WWP2: variants seen among roughly 807,000 people sequenced by gnomAD.
The protein encoded by WWP2 is WW domain containing E3 ubiquitin protein ligase 2, also known as NEDD4-like E3 ubiquitin-protein ligase WWP2.
WWP2 carries 57 observed loss-of-function variants against 121.0 expected under a neutral mutation model. That is an observed-to-expected ratio of 0.47 (90% confidence interval 0.38 to 0.59). The LOEUF (loss-of-function observed/expected upper bound fraction) is 0.59, where lower values mean the gene tolerates loss of function less well. Among genes scored for constraint, WWP2 ranks in the 20% least tolerant of loss-of-function variants. The probability of loss-of-function intolerance (pLI) is 0.00; values close to 1 mark genes in which losing one functional copy is unlikely to be tolerated. For missense variants in WWP2, 962 were observed against 1,158.9 expected (o/e 0.83, Z 2.47); for synonymous variants, 449 against 441.3 (o/e 1.02, Z -0.22).
In WWP2 at chr16:69,799,575, C is replaced by T. The variant is rs995841193; in HGVS notation, c.340+280C>T. On this transcript the variant is annotated intron_variant, in intron 4 of 23. Coordinates refer to ENST00000359154, the MANE Select transcript of WWP2 (RefSeq NM_001270454.2). This position sits in a 1 kb window ranked among gnomAD's most constrained non-coding sequence, Gnocchi z 4.5. Reference sequence around the variant, plus strand: ...AAACTTTCTGTCTGCCTCTGCTCCTCTTCCCGTTGCAGGAGATGTGTGATA... The same window carrying T: ...AAACTTTCTGTCTGCCTCTGCTCCTTTTCCCGTTGCAGGAGATGTGTGATA... The T allele has an allele frequency of 5.7e-6, 2 of 349,850 alleles. No individual in the cohort carries two copies. Among genetic ancestry groups the T allele is most frequent in the Non-Finnish European group, 1.1e-5 (2 of 189,938 alleles). The allele number at this position is 349,850 out of a possible 1,614,324, so 21.7% of individuals were successfully genotyped here. A position where few individuals can be genotyped will look rare whatever the true frequency, so the allele number is the denominator to read the frequency against.
chr16:69,929,330 C>A, intron 11 of WWP2, 118 bp from the exon 12 acceptor site: 1 of 875,740 alleles, frequency 1.1e-6, no homozygotes, highest in Non-Finnish European at 1.8e-6. Flanking sequence ...TCTTCTCTAA[C>A]AGGCTGACAA....
chr16:69,937,284 C>A lies in WWP2; in HGVS notation c.2238+46C>A, dbSNP rs749787204. On this transcript the variant is annotated intron_variant, in intron 20 of 23. Coordinates refer to ENST00000359154, the MANE Select transcript of WWP2 (RefSeq NM_001270454.2). This position sits in a 1 kb window ranked among gnomAD's most constrained non-coding sequence, Gnocchi z 6.6. ...GGACCCTGAGCCCCTGCCTCTGGGGCGATCCTGCTCTGTGATACGCTCACT... is the reference window on the plus strand; with the variant it reads ...GGACCCTGAGCCCCTGCCTCTGGGGAGATCCTGCTCTGTGATACGCTCACT... The A allele has an allele frequency of 1.9e-6, 3 of 1,605,466 alleles. No homozygotes were observed. In the Admixed American group the frequency reaches 5.0e-5, roughly 27 times the overall value.
rs1399663874 is a variant in WWP2 at position 69,799,480 on chromosome 16, C to A, written c.340+185C>A. On this transcript the variant is annotated intron_variant, in intron 4 of 23. Coordinates refer to ENST00000359154, the MANE Select transcript of WWP2 (RefSeq NM_001270454.2). This position sits in a 1 kb window ranked among gnomAD's most constrained non-coding sequence, Gnocchi z 4.5. ...CTCTGCCTCCACTACAGAGTTTAGCCCTCTTTGTCCAGGGCCTCTAGTAAT... is the reference window on the plus strand; with the variant it reads ...CTCTGCCTCCACTACAGAGTTTAGCACTCTTTGTCCAGGGCCTCTAGTAAT... 4 of 743,096 alleles carry A rather than the reference C, an allele frequency of 5.4e-6. No individual in the cohort carries two copies. The highest frequency in any genetic ancestry group is 8.2e-6 in the Non-Finnish European group (4 of 487,426). The allele number at this position is 743,096 out of a possible 1,614,324, so 46.0% of individuals were successfully genotyped here.
rs760260072 is a variant in WWP2 at position 69,799,127 on chromosome 16, T to C, written c.219-47T>C. The C allele has an allele frequency of 2.7e-5, 42 of 1,575,484 alleles. 1 individual carries two copies. The Admixed American group carries it at 5.6e-4, about 21-fold the overall frequency. On this transcript the variant is annotated intron_variant, in intron 3 of 23. Coordinates refer to ENST00000359154, the MANE Select transcript of WWP2 (RefSeq NM_001270454.2). The surrounding 1 kb of genome is among the most constrained non-coding windows in gnomAD (Gnocchi z 4.5). ...AGTTTAAATGTTTTCTTCTAAGTTA[T>C]AGGAATGATCTGCTTGGATGTAATG...
chr16:69,799,316 G>A lies in WWP2; in HGVS notation c.340+21G>A. On this transcript the variant is annotated intron_variant, in intron 4 of 23. Coordinates refer to ENST00000359154, the MANE Select transcript of WWP2 (RefSeq NM_001270454.2). The surrounding 1 kb of genome is among the most constrained non-coding windows in gnomAD (Gnocchi z 4.5). ...CAAAAGTACGTATGATGAAGGGGGT[G>A]CCGACGTGATTCTTGGGTGGGGATG... is the stretch of plus-strand genomic sequence containing the variant. The A allele has an allele frequency of 6.2e-7, 1 of 1,608,032 alleles. No individual in the cohort carries two copies. Among genetic ancestry groups the A allele is most frequent in the Non-Finnish European group, 8.5e-7 (1 of 1,177,030 alleles).
chr16:69,838,962 T>A, intron 4 of WWP2: 5 of 916,460 alleles, frequency 5.5e-6, no homozygotes, highest in Non-Finnish European at 6.4e-6. Context: ...CTTAAAGGGT[T>A]GTATCTGTAG....
At chr16:69,863,263 C>T (rs1305694536) in intron 6 of WWP2, among the ~76,000 whole-genome samples, 1 of 152,080 alleles carries the variant, frequency 6.6e-6, no homozygotes, top group African/African-American at 2.4e-5. Context: ...CTATAATTTA[C>T]AAACAGTAAA....
At chr16:69,870,718 C>T (rs1393860211) in intron 6 of WWP2, among the ~76,000 whole-genome samples, 1 of 152,162 alleles carries the variant, frequency 6.6e-6, no homozygotes, top group Non-Finnish European at 1.5e-5. Context: ...GTATTTGAAA[C>T]ATCTCACAGT....
chr16:69,846,150 A>G (rs1322873943), intron 6 of WWP2, among the ~76,000 whole-genome samples: 1 of 151,242 alleles, frequency 6.6e-6, no homozygotes, highest in Non-Finnish European at 1.5e-5. Flanking sequence ...TTGTTTGCCC[A>G]CAGACTGTGT....
Position 69,798,838 on chromosome 16 carries a change from A to G in WWP2, c.218+9A>G. ...AATGAGATCATCATTTTGTAAGAGA[A>G]AGCCCCTTCTTTTTGAACGCAGCAA... On this transcript the variant is annotated intron_variant, in intron 3 of 23. Coordinates refer to ENST00000359154, the MANE Select transcript of WWP2 (RefSeq NM_001270454.2). The G allele has an allele frequency of 1.9e-6, 3 of 1,613,428 alleles. No homozygotes were observed. The highest frequency in any genetic ancestry group is 2.5e-6 in the Non-Finnish European group (3 of 1,179,662).
chr16:69,845,715 C>T (rs2057060532), intron 6 of WWP2, among the ~76,000 whole-genome samples: 1 of 152,138 alleles, frequency 6.6e-6, no homozygotes, highest in Admixed American at 6.5e-5. Flanking sequence ...CAAGGTCTCA[C>T]AGCTCCATTT....
intron 1 of WWP2, among the ~76,000 whole-genome samples, chr16:69,779,076 A>C (rs1477650245): frequency 6.6e-6 from 1 of 151,682 alleles, no homozygotes; most frequent in Admixed American, 6.6e-5. Flanking sequence ...CAGCCTCCCA[A>C]GCAGCTGGGA....
chr16:69,840,198 C>A lies in WWP2; in HGVS notation c.413C>A (p.Thr138Lys), dbSNP rs756318143. The A allele has an allele frequency of 4.3e-6, 7 of 1,614,144 alleles. No homozygotes were observed. The South Asian group carries it at 7.7e-5, about 18-fold the overall frequency. ...KGSVVSGGEL[T>K]IFLDGPTVDL... The stretch of plus-strand genomic sequence containing the variant: ...AGCGTTGTCTCAGGCGGAGAGCTGA[C>A]AATTTTCCTGGACGGGCCAACTGTT... The change falls in exon 5 of 24, where the codon ACA becomes AAA. Residue 138 changes from threonine to lysine, a missense_variant. Thr to Lys is a moderately conservative substitution (Grantham distance 78). Coordinates refer to ENST00000359154, the MANE Select transcript of WWP2 (RefSeq NM_001270454.2).
At chr16:69,855,558 T>C (rs993096701) in intron 6 of WWP2, among the ~76,000 whole-genome samples, 3 of 152,190 alleles carry the variant, frequency 2.0e-5, no homozygotes, top group Non-Finnish European at 2.9e-5. Flanking sequence ...TATGTATAAA[T>C]GTATCATATA....
chr16:69,904,503 C>T lies in WWP2; in HGVS notation c.915-4258C>T, dbSNP rs370347040. The stretch of plus-strand genomic sequence containing the variant: ...CCTGCCTCAGTCTCCTGAGTAGGTA[C>T]GATTACAGGTATGTGCCAGCACATC... On this transcript the variant is annotated intron_variant, in intron 8 of 23. Coordinates refer to ENST00000359154, the MANE Select transcript of WWP2 (RefSeq NM_001270454.2). Among the ~76,000 whole-genome samples the T allele has an allele frequency of 1.2e-4, 18 of 151,564 alleles. 2 individuals are homozygous for T. Among genetic ancestry groups the T allele is most frequent in the East Asian group, 3.9e-4 (2 of 5,148 alleles).
chr16:69,791,228 CTTTCTTTTTTT>C (rs1393966106), intron 2 of WWP2, among the ~76,000 whole-genome samples: 1 of 151,066 alleles, frequency 6.6e-6, no homozygotes, highest in Non-Finnish European at 1.5e-5. Flanking sequence ...TTCTTTTTTT[CTTTCTTTTTTT>C]TTTTTTGAGA....
At position 69,818,942 on chromosome 16, in the gene WWP2, C is replaced by T. The variant is rs569539809; in HGVS notation, c.340+19647C>T. Reference sequence around the variant, plus strand: ...CCCTGGCAACCAAAGACAGTATTTACGTCTAATTAACATCCTCAAGTGAAC... The same window carrying T: ...CCCTGGCAACCAAAGACAGTATTTATGTCTAATTAACATCCTCAAGTGAAC... On this transcript the variant is annotated intron_variant, in intron 4 of 23. Transcript: ENST00000359154. Among the ~76,000 whole-genome samples, 11 of 152,266 alleles carry T rather than the reference C, an allele frequency of 7.2e-5. No homozygotes were observed. In the South Asian group the frequency reaches 8.3e-4, roughly 11 times the overall value.
intron 1 of WWP2, among the ~76,000 whole-genome samples, chr16:69,764,165 C>T (rs1425838972): frequency 1.3e-5 from 2 of 152,158 alleles, no homozygotes; most frequent in Non-Finnish European, 2.9e-5. Flanking sequence ...ATCCTTAGAT[C>T]CATTCTTTTT....
At chr16:69,838,445 TAAAAA>T (rs3086443) in intron 4 of WWP2, among the ~76,000 whole-genome samples, 2 of 139,380 alleles carry the variant, frequency 1.4e-5, no homozygotes, top group Non-Finnish European at 3.1e-5. Context: ...CTCCTTGACT[TAAAAA>T]AAAAAAAAAA....
Sources: gnomAD v4.1 joint callset for allele counts (sites outside exome capture counted in the v4.1 genomes callset) on GRCh38, gnomAD v4.1.1 for gene constraint, Gnocchi (gnomAD v3.1) non-coding constraint, MANE v1.5 for transcripts, NCBI Gene and HGNC (gene_info 2026-07-23, HGNC 2026-07-21) for gene names.